Variants in TLN2 observed in about 807,000 individuals in gnomAD.
TLN2 encodes talin 2, also known as talin-2.
TLN2 carries 118 observed loss-of-function variants against 294.7 expected under a neutral mutation model. The observed-to-expected ratio is 0.40, with a 90% CI of 0.34 to 0.47. The LOEUF (loss-of-function observed/expected upper bound fraction) is 0.47, where lower values mean the gene tolerates loss of function less well. TLN2 is among the 20% of genes least tolerant of loss of function. The probability of loss-of-function intolerance (pLI) is 0.84; values close to 1 mark genes in which losing one functional copy is unlikely to be tolerated. For synonymous variants in TLN2, 1,431 were observed against 1,304.5 expected (o/e 1.10, Z -2.09); for missense variants, 3,083 against 3,282.2 (o/e 0.94, Z 1.48).
intron 1 of TLN2, among the ~76,000 whole-genome samples, chr15:62,532,546 C>G (rs2041106071): frequency 1.3e-5 from 2 of 152,172 alleles, no homozygotes; most frequent in African/African-American, 2.4e-5. Context: ...CAGCCACAGT[C>G]CTGTCCTGGA....
chr15:62,634,652 T>C (rs890880330), intron 3 of TLN2, among the ~76,000 whole-genome samples: 1 of 152,246 alleles, frequency 6.6e-6, no homozygotes, highest in East Asian at 1.9e-4. Flanking sequence ...AACTGACTGA[T>C]GAAATTGGTA....
chr15:62,825,548 G>C (rs2067974699), intron 54 of TLN2, among the ~76,000 whole-genome samples: 1 of 150,028 alleles, frequency 6.7e-6, no homozygotes, highest in Non-Finnish European at 1.5e-5. Context: ...GAGCATACAG[G>C]GTGTGAAAAG....
At chr15:62,424,800 A>C (rs879460090) in intron 1 of TLN2, among the ~76,000 whole-genome samples, 816 of 124,936 alleles carry the variant, frequency 6.5e-3, no homozygotes, top group Middle Eastern at 0.031. Flanking sequence ...CCACAGGTGC[A>C]TGCCACCATG....
At position 62,470,978 on chromosome 15, in the gene TLN2, G is replaced by A. The variant is rs563345656; in HGVS notation, c.-238+80293G>A. Among the ~76,000 whole-genome samples, 4 of 152,332 alleles carry A rather than the reference G, an allele frequency of 2.6e-5. No individual in the cohort carries two copies. The East Asian group carries it at 7.7e-4, about 29-fold the overall frequency. On this transcript the variant is annotated intron_variant, in intron 1 of 58. Coordinates refer to ENST00000636159, the MANE Select transcript of TLN2 (RefSeq NM_015059.3). ...CAATACTTGACATATATATGAAGAA[G>A]CTCTTGAATATCTGACACAACATGA...
intron 3 of TLN2, among the ~76,000 whole-genome samples, chr15:62,634,014 G>C (rs749585785): frequency 6.6e-6 from 1 of 152,072 alleles, no homozygotes; most frequent in Non-Finnish European, 1.5e-5. Flanking sequence ...TAAGGACAAC[G>C]GTCAATTCGG....
At position 62,652,165 on chromosome 15, in the gene TLN2, T is replaced by C. The variant is rs763457959; in HGVS notation, c.364+31T>C. 46 of 1,479,166 alleles carry C rather than the reference T, an allele frequency of 3.1e-5. No individual in the cohort carries two copies. In the Admixed American group the frequency reaches 9.6e-4, roughly 31 times the overall value. 91.6% of individuals were successfully genotyped at this position (1,479,166 alleles called of 1,614,324 possible). On this transcript the variant is annotated intron_variant, in intron 6 of 58. Transcript: ENST00000636159. The stretch of plus-strand genomic sequence containing the variant: ...CATTCATACACCTTCATTATGTCTT[T>C]TTGCTTAGTTTTTAATTACAGGCCT...
At chr15:62,740,941 C>G (rs1332593148) in intron 32 of TLN2, among the ~76,000 whole-genome samples, 172 bp downstream of exon 32, 1 of 152,194 alleles carries the variant, frequency 6.6e-6, no homozygotes, top group Non-Finnish European at 1.5e-5. Context: ...AAAACTGGCT[C>G]ATTTCCATGT....
At chr15:62,809,171 T>A (rs2066502519) in intron 51 of TLN2, among the ~76,000 whole-genome samples, 1 of 152,226 alleles carries the variant, frequency 6.6e-6, no homozygotes, top group Admixed American at 6.5e-5. Context: ...AAATTTTTTT[T>A]CATTGATTAT....
rs1439246239 is a variant in TLN2 at position 62,640,198 on chromosome 15, CAGGT to C, written c.-36-7073_-36-7070del. On this transcript the variant is annotated intron_variant, in intron 3 of 58. Coordinates refer to ENST00000636159, the MANE Select transcript of TLN2 (RefSeq NM_015059.3). ...ACTTCTCTTCCTCTCTTGTAGAAGA[CAGGT>C]AGGGAGTGGAGAAGGGGAAGCTCTT... 6.6e-6 allele frequency: 3 copies of C among 456,030 alleles called. No homozygotes were observed. The Admixed American group carries it at 7.0e-5, about 11-fold the overall frequency. The allele number at this position is 456,030 out of a possible 1,614,324, so 28.2% of individuals were successfully genotyped here.
intron 1 of TLN2, among the ~76,000 whole-genome samples, chr15:62,541,678 C>T (rs1410277581): frequency 2.0e-5 from 3 of 152,016 alleles, no homozygotes; most frequent in African/African-American, 7.3e-5. Flanking sequence ...TGACAATATC[C>T]CCCTTTATAC....
At chr15:62,683,513 TA>T (rs2057029587) in intron 11 of TLN2, among the ~76,000 whole-genome samples, 1 of 139,598 alleles carries the variant, frequency 7.2e-6, no homozygotes, top group Non-Finnish European at 1.6e-5. Flanking sequence ...CTCTCATTGG[TA>T]GAATGCCTGC....
At chr15:62,708,242 A>G (rs573217466) in intron 20 of TLN2, among the ~76,000 whole-genome samples, 22 of 152,322 alleles carry the variant, frequency 1.4e-4, no homozygotes, top group African/African-American at 4.6e-4. Flanking sequence ...AGTAGTATGG[A>G]CTGTCACATG....
chr15:62,642,874 A>G (rs1596465575), intron 3 of TLN2, among the ~76,000 whole-genome samples: 1 of 151,514 alleles, frequency 6.6e-6, no homozygotes, highest in Admixed American at 6.6e-5. Flanking sequence ...GCTAATTTTT[A>G]TATTTTTAGT....
intron 1 of TLN2, among the ~76,000 whole-genome samples, chr15:62,484,956 G>C (rs2038309363): frequency 6.6e-6 from 1 of 152,162 alleles, no homozygotes; most frequent in Admixed American, 6.6e-5. Flanking sequence ...CAAGTGGAAG[G>C]CTGCCTTCCT....
Position 62,396,398 on chromosome 15 carries a change from C to G in TLN2, c.-238+5713C>G, listed in dbSNP as rs148225034. Among the ~76,000 whole-genome samples the G allele has an allele frequency of 1.1e-4, 16 of 152,308 alleles. No individual in the cohort carries two copies. In the East Asian group the frequency reaches 2.7e-3, roughly 26 times the overall value. ...GACTGGGAAGTATCACGCTTACTTTCTCTGATGCCTCTCATTGTAATCTCT... is the reference window on the plus strand; with the variant it reads ...GACTGGGAAGTATCACGCTTACTTTGTCTGATGCCTCTCATTGTAATCTCT... On this transcript the variant is annotated intron_variant, in intron 1 of 58. Transcript: ENST00000636159.
Position 62,786,689 on chromosome 15 carries a change from A to T in TLN2, c.5736+2799A>T, listed in dbSNP as rs557713110. On this transcript the variant is annotated intron_variant, in intron 45 of 58. Coordinates refer to ENST00000636159, the MANE Select transcript of TLN2 (RefSeq NM_015059.3). ...TGTTAAGATGATTTGTGAGAACCAC[A>T]GCCCTTTCCCCCAGATGAAATGGAT... Among the ~76,000 whole-genome samples, 7 of 149,214 alleles carry T rather than the reference A, an allele frequency of 4.7e-5. No homozygotes were observed. In the East Asian group the frequency reaches 1.2e-3, roughly 25 times the overall value.
chr15:62,491,840 A>G (rs887941578), intron 1 of TLN2, among the ~76,000 whole-genome samples: 8 of 152,116 alleles, frequency 5.3e-5, no homozygotes, highest in African/African-American at 1.9e-4. Flanking sequence ...TGGAGAGAGG[A>G]ATCTCTGTCC....
At chr15:62,785,966 A>T (rs182245483) in intron 45 of TLN2, among the ~76,000 whole-genome samples, 2 of 152,366 alleles carry the variant, frequency 1.3e-5, no homozygotes, top group African/African-American at 4.8e-5. Context: ...CTGCATTTGC[A>T]GCAGCTGACG....
At chr15:62,437,439 C>T (rs891268313) in intron 1 of TLN2, among the ~76,000 whole-genome samples, 1 of 151,954 alleles carries the variant, frequency 6.6e-6, no homozygotes, top group Admixed American at 6.5e-5. Flanking sequence ...GTCACAGGAT[C>T]TCACAATGCT....
Sources: allele counts gnomAD v4.1 joint callset (sites outside exome capture counted in the v4.1 genomes callset), GRCh38; gene constraint gnomAD v4.1.1; transcripts MANE v1.5; gene names NCBI Gene and HGNC (gene_info 2026-07-23, HGNC 2026-07-21).